Variants in WDR20 observed in about 807,000 individuals in gnomAD.
WDR20 encodes the protein WD repeat domain 20.
WDR20 carries 3 observed loss-of-function variants against 38.7 expected under a neutral mutation model. The ratio of observed to expected loss-of-function variants is 0.08; its 90% CI spans 0.04 to 0.20. WDR20 has a LOEUF of 0.20. WDR20 is among the 10% of genes least tolerant of loss of function. The pLI, the probability that WDR20 is intolerant of heterozygous loss-of-function variation, is 1.00. For synonymous variants in WDR20, 298 were observed against 285.6 expected (o/e 1.04, Z -0.44); for missense variants, 559 against 727.7 (o/e 0.77, Z 2.67).
intron 1 of WDR20, among the ~76,000 whole-genome samples, chr14:102,166,099 C>G (rs960295578): frequency 6.7e-5 from 10 of 150,266 alleles, no homozygotes; most frequent in African/African-American, 2.2e-4. Context: ...TCAAGTGATT[C>G]CCCCATCCCC....
chr14:102,224,694 C>T (rs1020699789), downstream of WDR20: 67 of 455,834 alleles, frequency 1.5e-4, 2 homozygotes, highest in South Asian at 5.0e-4. Flanking sequence ...TAGTTTTCTT[C>T]GGAGGAGACA....
chr14:102,207,159 A>G lies in WDR20; in HGVS notation c.433-1444A>G, dbSNP rs746480214. Among the ~76,000 whole-genome samples, 10 of 152,328 alleles carry G rather than the reference A, an allele frequency of 6.6e-5. No homozygotes were observed. The highest frequency in any genetic ancestry group is 3.4e-3 in the Middle Eastern group (1 of 294). On this transcript the variant is annotated intron_variant, in intron 2 of 2. Coordinates refer to ENST00000342702, the MANE Select transcript of WDR20 (RefSeq NM_144574.4). The surrounding 1 kb of genome is among the most constrained non-coding windows in gnomAD (Gnocchi z 5.0). The stretch of plus-strand genomic sequence containing the variant: ...TGCCGTTTTACGGCAGTAAGCAGTG[A>G]CACCTGCTGCTGAGTAACTGCCCAA...
downstream of WDR20, chr14:102,214,215 A>T: frequency 1.0e-6 from 1 of 985,576 alleles, no homozygotes; most frequent in South Asian, 4.7e-5. Flanking sequence ...GAAGGTTTAT[A>T]GTCTACCACC....
chr14:102,156,403 C>T (rs1268049851), intron 1 of WDR20, among the ~76,000 whole-genome samples: 2 of 150,232 alleles, frequency 1.3e-5, no homozygotes, highest in Non-Finnish European at 3.0e-5. Context: ...CTCCTGACCT[C>T]GTGATCTGCC....
Position 102,209,235 on chromosome 14 carries a change from G to A in WDR20, c.1065G>A (p.Arg355=), listed in dbSNP as rs144993284. 1 of 1,614,118 alleles carries A rather than the reference G, an allele frequency of 6.2e-7. No individual in the cohort carries two copies. The highest frequency in any genetic ancestry group is 2.2e-5 in the East Asian group (1 of 44,878). ...GTACACAGTCCAGGCTCTCCAAACG[G>A]AACTCTACAGACAGCCGCCCCGTAA... The part of the protein sequence containing the change: ...ANSTQSRLSK[R]NSTDSRPVSV... The change falls in exon 3 of 3, where the codon CGG becomes CGA. Residue 355 remains arginine (R), a synonymous_variant. Coordinates refer to ENST00000342702, the MANE Select transcript of WDR20 (RefSeq NM_144574.4). The surrounding 1 kb of genome is among the most constrained non-coding windows in gnomAD (Gnocchi z 6.0).
chr14:102,173,699 A>G (rs1190811336), intron 1 of WDR20, among the ~76,000 whole-genome samples: 1 of 149,070 alleles, frequency 6.7e-6, no homozygotes. Flanking sequence ...CTTAGCTCCC[A>G]CTTACAAGTG....
chr14:102,181,756 A>G (rs2063438553), intron 1 of WDR20, among the ~76,000 whole-genome samples: 3 of 151,964 alleles, frequency 2.0e-5, no homozygotes, highest in Admixed American at 2.0e-4. Context: ...CGAGATCATG[A>G]GTGGTAAGCT....
downstream of WDR20, among the ~76,000 whole-genome samples, chr14:102,211,435 C>T (rs1336076193): frequency 2.6e-5 from 4 of 152,188 alleles, no homozygotes; most frequent in Non-Finnish European, 5.9e-5. The surrounding 1 kb of genome is among the most constrained non-coding windows in gnomAD (Gnocchi z 4.2). Context: ...GCAAACATGT[C>T]ACGGTGGCGC....
At chr14:102,193,450 T>C (rs1201759099) in intron 1 of WDR20, 2 of 1,612,982 alleles carry the variant, frequency 1.2e-6, no homozygotes, top group Non-Finnish European at 1.7e-6. Flanking sequence ...TATTCTCTTA[T>C]TTCATCCTCC....
intron 2 of WDR20, among the ~76,000 whole-genome samples, chr14:102,200,460 TTTTTTTTTGTGTGTGTGTGTG>T (rs68079641): frequency 0.081 from 8,842 of 109,288 alleles, 311 homozygotes; most frequent in African/African-American, 0.12. Flanking sequence ...TTTTTAAATT[TTTTTTTTTGTGTGTGTGTGTG>T]TGTGTGTGTG....
At chr14:102,203,860 A>T (rs1005824393) in intron 2 of WDR20, among the ~76,000 whole-genome samples, 2 of 152,182 alleles carry the variant, frequency 1.3e-5, no homozygotes, top group Admixed American at 1.3e-4. Flanking sequence ...ACAAAAATAT[A>T]CCTTATAGTG....
chr14:102,148,555 A>G (rs1256466345), intron 1 of WDR20, among the ~76,000 whole-genome samples: 1 of 146,200 alleles, frequency 6.8e-6, no homozygotes, highest in Non-Finnish European at 1.5e-5. Flanking sequence ...AAAAAAAAAA[A>G]TCATAATCCT....
rs1213513742 is a variant in WDR20 at position 102,220,795 on chromosome 14, CAG to C, written c.1693-2034_1693-2033del. On this transcript the variant is annotated intron_variant, in intron 3 of 3. Transcript: ENST00000335263. The surrounding 1 kb of genome is among the most constrained non-coding windows in gnomAD (Gnocchi z 4.2). ...TTATCTATCTTTTCATTTTTTGAGA[CAG>C]GGTCTTGCTCTATCCCCCAGGCTGG... Among the ~76,000 whole-genome samples, 2 of 151,506 alleles carry C rather than the reference CAG, an allele frequency of 1.3e-5. No homozygotes were observed. Among genetic ancestry groups the C allele is most frequent in the Non-Finnish European group, 2.9e-5 (2 of 67,900 alleles).
At chr14:102,178,331 G>T in intron 1 of WDR20, among the ~76,000 whole-genome samples, 1 of 151,754 alleles carries the variant, frequency 6.6e-6, no homozygotes, top group Non-Finnish European at 1.5e-5. Flanking sequence ...GGCAGAGGTT[G>T]CAGTGAGCCA....
chr14:102,182,802 A>G (rs2063672546), intron 1 of WDR20, among the ~76,000 whole-genome samples: 1 of 152,262 alleles, frequency 6.6e-6, no homozygotes, highest in East Asian at 1.9e-4. Flanking sequence ...TTTGGTGAAT[A>G]TCTTTTCAAA....
At chr14:102,146,006 A>G (rs1393881667) in intron 1 of WDR20, among the ~76,000 whole-genome samples, 1 of 149,558 alleles carries the variant, frequency 6.7e-6, no homozygotes, top group Non-Finnish European at 1.5e-5. Flanking sequence ...TTTTTTTTAA[A>G]TGGAAATGGA....
chr14:102,209,289 C>A lies in WDR20; in HGVS notation c.1119C>A (p.Gly373=). 6.2e-7 allele frequency: 1 copy of A among 1,614,154 alleles called. No homozygotes were observed. Among genetic ancestry groups the A allele is most frequent in the South Asian group, 1.1e-5 (1 of 91,078 alleles). Residue 373 remains glycine, a synonymous_variant, in exon 3 of 3, where the codon GGC becomes GGA. Transcript: ENST00000342702. The surrounding 1 kb of genome is among the most constrained non-coding windows in gnomAD (Gnocchi z 6.0). The stretch of plus-strand genomic sequence containing the variant: ...TCACGTATCGGTTTGGTTCCGTGGG[C>A]CAGGACACACAGCTCTGTTTATGGG... ...VSVTYRFGSV[G]QDTQLCLWDL...
At chr14:102,201,579 C>T (rs1219281211) in intron 2 of WDR20, among the ~76,000 whole-genome samples, 1 of 152,130 alleles carries the variant, frequency 6.6e-6, no homozygotes, top group Non-Finnish European at 1.5e-5. Context: ...TCTTAAGTGG[C>T]ACGGTCTGTT....
intron 1 of WDR20, among the ~76,000 whole-genome samples, chr14:102,173,460 T>C (rs2061409046): frequency 6.8e-6 from 1 of 146,644 alleles, no homozygotes; most frequent in Non-Finnish European, 1.5e-5. Flanking sequence ...TTATTATTAT[T>C]ATTATTATTA....
Sources: allele counts gnomAD v4.1 joint callset (sites outside exome capture counted in the v4.1 genomes callset), GRCh38; gene constraint gnomAD v4.1.1; non-coding constraint Gnocchi (gnomAD v3.1); transcripts MANE v1.5; gene names NCBI Gene and HGNC (gene_info 2026-07-23, HGNC 2026-07-21).